Variants in UBE2R2 observed in about 807,000 individuals in gnomAD.
The protein encoded by UBE2R2 is ubiquitin conjugating enzyme E2 R2, also known as ubiquitin-conjugating enzyme E2 R2.
Under a neutral mutation model 27.8 loss-of-function variants are expected in UBE2R2, and 1 was observed. The ratio of observed to expected loss-of-function variants is 0.04; its 90% confidence interval spans 0.01 to 0.17. The LOEUF (loss-of-function observed/expected upper bound fraction) is 0.17, where lower values mean the gene tolerates loss of function less well. UBE2R2 is among the 10% of genes least tolerant of loss of function. UBE2R2 has a pLI of 1.00. For missense variants in UBE2R2, 100 were observed against 291.0 expected (o/e 0.34, Z 4.78); for synonymous variants, 106 against 113.3 (o/e 0.94, Z 0.41).
chr9:33,848,821 C>G (rs1820900737), intron 1 of UBE2R2, among the ~76,000 whole-genome samples: 1 of 151,794 alleles, frequency 6.6e-6, no homozygotes, highest in African/African-American at 2.4e-5. Context: ...CCAGGCTGGT[C>G]TCGAGCTCTT....
intron 2 of UBE2R2, among the ~76,000 whole-genome samples, chr9:33,894,579 G>A (rs1822056631): frequency 6.6e-6 from 1 of 151,990 alleles, no homozygotes; most frequent in South Asian, 2.1e-4. Flanking sequence ...GACTACAAGT[G>A]TGTGCCACTA....
chr9:33,822,096 A>ATATAT (rs71506137), intron 1 of UBE2R2, among the ~76,000 whole-genome samples: 10 of 145,102 alleles, frequency 6.9e-5, no homozygotes, highest in African/African-American at 2.5e-4. Context: ...ATATATATAT[A>ATATAT]TTTTTTTTTT....
chr9:33,879,750 C>CTTTTT (rs66929161), intron 1 of UBE2R2, among the ~76,000 whole-genome samples: 1 of 67,362 alleles, frequency 1.5e-5, no homozygotes, highest in Admixed American at 1.6e-4. Flanking sequence ...GGTCACAAGA[C>CTTTTT]TTTTTTTTTT....
intron 1 of UBE2R2, among the ~76,000 whole-genome samples, chr9:33,830,161 T>TG: frequency 6.7e-6 from 1 of 149,598 alleles, no homozygotes; most frequent in East Asian, 2.0e-4. Flanking sequence ...TTTCATAATT[T>TG]TTTTTTTTTT....
intron 1 of UBE2R2, among the ~76,000 whole-genome samples, chr9:33,840,377 G>C (rs1820705032): frequency 6.6e-6 from 1 of 152,044 alleles, no homozygotes; most frequent in African/African-American, 2.4e-5. Context: ...TTTATTTAGT[G>C]TTATGATGTC....
At chr9:33,850,121 G>C (rs1820931914) in intron 1 of UBE2R2, among the ~76,000 whole-genome samples, 2 of 152,106 alleles carry the variant, frequency 1.3e-5, no homozygotes, top group Non-Finnish European at 2.9e-5. Context: ...TGGAGTCTGT[G>C]ACAGAGTACA....
At chr9:33,871,950 G>A (rs1023465829) in intron 1 of UBE2R2, among the ~76,000 whole-genome samples, 2 of 152,070 alleles carry the variant, frequency 1.3e-5, no homozygotes, top group African/African-American at 4.8e-5. Flanking sequence ...CTGACCTCGT[G>A]ATCCGCCTGC....
At chr9:33,913,461 T>C (rs1029583310) in intron 4 of UBE2R2, among the ~76,000 whole-genome samples, 9 of 151,904 alleles carry the variant, frequency 5.9e-5, no homozygotes, top group Non-Finnish European at 7.4e-5. Context: ...GAGGTCTTGC[T>C]GTGTTGCCCA....
At chr9:33,822,819 C>T (rs990791952) in intron 1 of UBE2R2, among the ~76,000 whole-genome samples, 3 of 151,764 alleles carry the variant, frequency 2.0e-5, no homozygotes, top group South Asian at 4.1e-4. Context: ...CCCTCTTCCC[C>T]CTAAAAAAAC....
chr9:33,872,616 G>T (rs1231505439), intron 1 of UBE2R2, among the ~76,000 whole-genome samples: 3 of 151,810 alleles, frequency 2.0e-5, no homozygotes, highest in Middle Eastern at 3.4e-3. Context: ...GAGAAACCCC[G>T]TCTCTACTAA....
intron 1 of UBE2R2, among the ~76,000 whole-genome samples, chr9:33,873,990 C>T (rs1291492057): frequency 6.6e-6 from 1 of 150,738 alleles, no homozygotes; most frequent in Non-Finnish European, 1.5e-5. Flanking sequence ...TTCTGTCACC[C>T]AGGCTGGAGT....
chr9:33,843,087 G>T (rs898010069), intron 1 of UBE2R2, among the ~76,000 whole-genome samples: 3 of 127,252 alleles, frequency 2.4e-5, no homozygotes, highest in African/African-American at 3.1e-5. Context: ...TTGCTCTGTC[G>T]CCCAGGCTGG....
At chr9:33,848,350 C>T (rs1043189291) in intron 1 of UBE2R2, among the ~76,000 whole-genome samples, 3 of 152,018 alleles carry the variant, frequency 2.0e-5, no homozygotes, top group Non-Finnish European at 2.9e-5. Context: ...TCCCTCTTTC[C>T]ATACTTCTTA....
In UBE2R2 at chr9:33,918,568, A is replaced by G. The variant is rs1822714582; in HGVS notation, c.*1331A>G. On this transcript the variant is annotated 3_prime_UTR_variant, in exon 5 of 5. Transcript: ENST00000263228. ...TCCAGATCTCAATCGTGTTGCTTCA[A>G]TCAATATTGAGATCCAGCAGCCTTC... The G allele has an allele frequency of 6.6e-6, 1 of 152,192 alleles. No homozygotes were observed. The highest frequency in any genetic ancestry group is 2.1e-4 in the South Asian group (1 of 4,830). The allele number at this position is 152,192 out of a possible 1,614,324, so 9.4% of individuals were successfully genotyped here.
intron 1 of UBE2R2, among the ~76,000 whole-genome samples, chr9:33,885,508 A>T (rs910692669): frequency 1.3e-5 from 2 of 152,204 alleles, no homozygotes; most frequent in Non-Finnish European, 2.9e-5. Flanking sequence ...TTTTCTAGGG[A>T]ACCATTAGAA....
upstream of UBE2R2, among the ~76,000 whole-genome samples, chr9:33,815,753 G>T (rs992960647): frequency 6.6e-6 from 1 of 151,810 alleles, no homozygotes; most frequent in Non-Finnish European, 1.5e-5. Flanking sequence ...CAATAAAAGG[G>T]GTGGGTAGTG....
chr9:33,887,001 ATTTT>A, intron 2 of UBE2R2, 34 bp downstream of exon 2: 1 of 1,351,036 alleles, frequency 7.4e-7, no homozygotes, highest in Non-Finnish European at 1.0e-6. Flanking sequence ...TTCTCTGAAG[ATTTT>A]TTTTTTTAAA....
Position 33,877,823 on chromosome 9 carries a change from G to GTCTGTCTGTCTCTCTCTCTCTCTCTCTC in UBE2R2, c.178-9055_178-9054insGTCTGTCTCTCTCTCTCTCTCTCTCTCT. ...TCTCTGTCTGTCTGTCTGTCTGTCT[G>GTCTGTCTGTCTCTCTCTCTCTCTCTCTC]TCTCTCTCTCTCTCTCTCTCTCTCT... On this transcript the variant is annotated intron_variant, in intron 1 of 4. Coordinates refer to ENST00000263228, the MANE Select transcript of UBE2R2 (RefSeq NM_017811.4). Among the ~76,000 whole-genome samples, 181 of 131,080 alleles carry GTCTGTCTGTCTCTCTCTCTCTCTCTCTC rather than the reference G, an allele frequency of 1.4e-3. 5 individuals carry two copies. Among genetic ancestry groups the GTCTGTCTGTCTCTCTCTCTCTCTCTCTC allele is most frequent in the African/African-American group, 4.7e-3 (144 of 30,318 alleles). 86.0% of individuals were successfully genotyped at this position (131,080 alleles called of 152,430 possible).
At chr9:33,822,158 C>T in intron 1 of UBE2R2, among the ~76,000 whole-genome samples, 1 of 149,688 alleles carries the variant, frequency 6.7e-6, no homozygotes, top group Non-Finnish European at 1.5e-5. Flanking sequence ...GTGGAGCGAT[C>T]TCGGCTCACT....
Sources: allele counts gnomAD v4.1 joint callset (sites outside exome capture counted in the v4.1 genomes callset), GRCh38; gene constraint gnomAD v4.1.1; transcripts MANE v1.5; gene names NCBI Gene and HGNC (gene_info 2026-07-23, HGNC 2026-07-21).